RBMS3: variants seen among roughly 807,000 people sequenced by gnomAD.
RBMS3 encodes the protein RNA-binding motif, single-stranded-interacting protein 3.
RBMS3 carries 27 observed loss-of-function variants against 66.8 expected under a neutral mutation model. The ratio of observed to expected loss-of-function variants is 0.40; its 90% CI spans 0.30 to 0.56. RBMS3 has a LOEUF of 0.56. Among genes scored for constraint, RBMS3 ranks in the 20% least tolerant of loss-of-function variants. The pLI is 0.40. For missense variants in RBMS3, 513 were observed against 549.5 expected (o/e 0.93, Z 0.66); for synonymous variants, 188 against 183.0 (o/e 1.03, Z -0.22).
At chr3:29,461,115 C>T (rs532221511) in intron 2 of RBMS3, among the ~76,000 whole-genome samples, 1 of 152,238 alleles carries the variant, frequency 6.6e-6, no homozygotes, top group Admixed American at 6.5e-5. Flanking sequence ...TTCTCATTTC[C>T]TTGTTAATGA....
At chr3:29,789,449 T>C (rs1010815555) in intron 6 of RBMS3, among the ~76,000 whole-genome samples, 1 of 152,120 alleles carries the variant, frequency 6.6e-6, no homozygotes, top group African/African-American at 2.4e-5. Flanking sequence ...TTCCTGATGG[T>C]TAATTAGTCA....
At chr3:29,426,762 C>T (rs1469887978) in intron 1 of RBMS3, among the ~76,000 whole-genome samples, 1 of 152,198 alleles carries the variant, frequency 6.6e-6, no homozygotes, top group African/African-American at 2.4e-5. Context: ...AGGTGAATTA[C>T]TCCAACTAGA....
At chr3:29,994,753 C>T (rs1441038453) in intron 14 of RBMS3, among the ~76,000 whole-genome samples, 3 of 152,178 alleles carry the variant, frequency 2.0e-5, no homozygotes, top group Admixed American at 6.5e-5. Flanking sequence ...AAAGGACATC[C>T]ACACCAAAAA....
At chr3:29,787,574 T>G (rs918931093) in intron 6 of RBMS3, among the ~76,000 whole-genome samples, 1 of 152,174 alleles carries the variant, frequency 6.6e-6, no homozygotes, top group Non-Finnish European at 1.5e-5. Context: ...AGACTATTAT[T>G]CTAAGTAACT....
intron 2 of RBMS3, among the ~76,000 whole-genome samples, chr3:29,459,282 C>T (rs913397280): frequency 2.3e-4 from 35 of 152,270 alleles, no homozygotes; most frequent in South Asian, 4.1e-4. Flanking sequence ...TAATAGCATA[C>T]GATTTCATGA....
intron 4 of RBMS3, among the ~76,000 whole-genome samples, chr3:29,589,849 A>C (rs1055481447): frequency 2.6e-5 from 4 of 152,074 alleles, no homozygotes; most frequent in African/African-American, 9.7e-5. Flanking sequence ...CCAGCATTTT[A>C]AAATAAAAAT....
At chr3:29,293,456 A>G (rs1338429056) in intron 1 of RBMS3, among the ~76,000 whole-genome samples, 1 of 151,804 alleles carries the variant, frequency 6.6e-6, no homozygotes, top group Non-Finnish European at 1.5e-5. Context: ...GGGTGCAGTC[A>G]TGCTTACTTA....
At chr3:29,623,766 A>G (rs1389962847) in intron 4 of RBMS3, among the ~76,000 whole-genome samples, 1 of 152,228 alleles carries the variant, frequency 6.6e-6, no homozygotes, top group Admixed American at 6.5e-5. Flanking sequence ...AATGCCCTTC[A>G]TCATCTTACT....
At chr3:29,729,312 A>G (rs569387734) in intron 4 of RBMS3, among the ~76,000 whole-genome samples, 123 of 152,280 alleles carry the variant, frequency 8.1e-4, no homozygotes, top group African/African-American at 2.7e-3. Flanking sequence ...TGAAAAGGAC[A>G]TGAACTCATC....
At chr3:29,879,445 T>C (rs1052562878) in intron 7 of RBMS3, among the ~76,000 whole-genome samples, 3 of 152,190 alleles carry the variant, frequency 2.0e-5, no homozygotes, top group African/African-American at 7.2e-5. Flanking sequence ...AAATAAACAC[T>C]TTAAATATAA....
At chr3:29,839,437 C>T (rs1209368938) in intron 6 of RBMS3, among the ~76,000 whole-genome samples, 1 of 151,994 alleles carries the variant, frequency 6.6e-6, no homozygotes, top group African/African-American at 2.4e-5. Flanking sequence ...AAGGAGACCC[C>T]CTTCTTTTTA....
intron 14 of RBMS3, among the ~76,000 whole-genome samples, chr3:29,998,321 G>T (rs62235545): frequency 6.6e-6 from 1 of 151,928 alleles, no homozygotes; most frequent in Non-Finnish European, 1.5e-5. Context: ...AATCAATATC[G>T]TGAAATTGGC....
chr3:29,785,021 G>A (rs987351658), intron 6 of RBMS3, among the ~76,000 whole-genome samples: 5 of 151,754 alleles, frequency 3.3e-5, no homozygotes, highest in African/African-American at 1.2e-4. Flanking sequence ...AGATTGAAAT[G>A]GTAATTTTAA....
chr3:29,672,787 T>A (rs1291415376), intron 4 of RBMS3, among the ~76,000 whole-genome samples: 1 of 152,126 alleles, frequency 6.6e-6, no homozygotes, highest in Non-Finnish European at 1.5e-5. Context: ...ATAAAGCAAG[T>A]CCTTAGAGAC....
At chr3:29,984,298 G>C (rs1253592064) in intron 12 of RBMS3, among the ~76,000 whole-genome samples, 1 of 151,794 alleles carries the variant, frequency 6.6e-6, no homozygotes, top group East Asian at 1.9e-4. Flanking sequence ...GGTTATTCTA[G>C]TCAGCAATTC....
In RBMS3 at chr3:29,371,707, C is replaced by T. The variant is rs115502746; in HGVS notation, c.76-63036C>T. Among the ~76,000 whole-genome samples the T allele has an allele frequency of 3.6e-3, 542 of 152,024 alleles. 1 individual carries two copies. The highest frequency in any genetic ancestry group is 6.0e-3 in the Non-Finnish European group (406 of 67,970). ...CATAAGTAATTTTGTTTTATTGGTT[C>T]CAAGGAAGCCTTTACATTTGATCTA... On this transcript the variant is annotated intron_variant, in intron 1 of 14. Transcript: ENST00000383767.
Position 29,963,071 on chromosome 3 carries a change from C to A in RBMS3, c.1098+18817C>A, listed in dbSNP as rs141044605. On this transcript the variant is annotated intron_variant, in intron 12 of 14. Coordinates refer to ENST00000383767, the MANE Select transcript of RBMS3 (RefSeq NM_001003793.3). ...TTTTTTTCTGTTTTACTTTCCTGTT[C>A]AGAATGCAAGATAAAATCCCATGGA... 2.0e-3 allele frequency among the ~76,000 whole-genome samples: 293 copies of A among 149,968 alleles called. 1 individual carries two copies. The highest frequency in any genetic ancestry group is 6.8e-3 in the African/African-American group (277 of 40,758).
At position 29,449,180 on chromosome 3, in the gene RBMS3, A is replaced by C. The variant is rs747498552; in HGVS notation, c.248+14265A>C. Among the ~76,000 whole-genome samples, 120 of 152,234 alleles carry C rather than the reference A, an allele frequency of 7.9e-4. 1 individual carries two copies. The highest frequency in any genetic ancestry group is 2.4e-4 in the Non-Finnish European group (16 of 68,042). ...ACCACTAATTAATCTGTAACCAATT[A>C]AGTACAGAATTCTAACAATACAACA... On this transcript the variant is annotated intron_variant, in intron 2 of 14. Coordinates refer to ENST00000383767, the MANE Select transcript of RBMS3 (RefSeq NM_001003793.3).
intron 4 of RBMS3, among the ~76,000 whole-genome samples, chr3:29,668,720 A>C (rs139840389): frequency 1.3e-5 from 2 of 152,340 alleles, no homozygotes; most frequent in East Asian, 3.9e-4. Flanking sequence ...TTTTTAAAAA[A>C]TCAGTTGGAC....
Sources: allele counts gnomAD v4.1 joint callset (sites outside exome capture counted in the v4.1 genomes callset), GRCh38; gene constraint gnomAD v4.1.1; transcripts MANE v1.5; gene names NCBI Gene and HGNC (gene_info 2026-07-23, HGNC 2026-07-21).